Variants in LHFPL3 observed in about 807,000 individuals in gnomAD.
LHFPL3 encodes the protein LHFPL tetraspan subfamily member 3, also known as LHFPL tetraspan subfamily member 3 protein.
In LHFPL3, 5 loss-of-function variants were observed where a neutral mutation model predicts 19.3. The observed-to-expected ratio is 0.26, with a 90% CI of 0.14 to 0.54. The LOEUF (loss-of-function observed/expected upper bound fraction) is 0.54. Ranked by LOEUF, LHFPL3 falls within the 20% of genes least tolerant of loss-of-function variation. LHFPL3 has a pLI of 0.94. For synonymous variants in LHFPL3, 133 were observed against 126.2 expected (o/e 1.05, Z -0.36); for missense variants, 249 against 307.4 (o/e 0.81, Z 1.42).
chr7:104,780,389 C>T (rs1462480816), intron 2 of LHFPL3, among the ~76,000 whole-genome samples: 1 of 152,192 alleles, frequency 6.6e-6, no homozygotes, highest in Non-Finnish European at 1.5e-5. Flanking sequence ...TTTCCCTTAA[C>T]TAAAATCCAA....
chr7:104,476,159 C>G (rs530313111), intron 1 of LHFPL3, among the ~76,000 whole-genome samples: 2 of 152,288 alleles, frequency 1.3e-5, no homozygotes, highest in East Asian at 3.9e-4. Flanking sequence ...ACTCAAGCCT[C>G]TTTGTCAATG....
intron 1 of LHFPL3, among the ~76,000 whole-genome samples, chr7:104,654,932 A>G (rs1792096323): frequency 6.6e-6 from 1 of 152,154 alleles, no homozygotes. Context: ...ACTCCCTTAT[A>G]CCAAGTACAA....
Position 104,329,040 on chromosome 7 carries a change from G to A in LHFPL3, c.261G>A (p.Glu87=), listed in dbSNP as rs372340068. 6.2e-7 allele frequency: 1 copy of A among 1,613,936 alleles called. No individual in the cohort carries two copies. The highest frequency in any genetic ancestry group is 1.3e-5 in the African/African-American group (1 of 74,952). The part of the protein sequence containing the change: ...HYCIGNGFSR[E]LTCRGSFTDF... ...GCATCGGCAACGGCTTCTCCCGGGA[G>A]CTGACCTGCAGGGGCAGCTTCACGG... Residue 87 remains glutamate (E), a synonymous_variant, in exon 1 of 3, where the codon GAG becomes GAA. Coordinates refer to ENST00000424859, the MANE Select transcript of LHFPL3 (RefSeq NM_199000.3).
At chr7:104,465,787 G>A (rs891591569) in intron 1 of LHFPL3, among the ~76,000 whole-genome samples, 2 of 152,126 alleles carry the variant, frequency 1.3e-5, no homozygotes, top group Admixed American at 6.5e-5. Context: ...ATTTGGGTGG[G>A]GACACAGCCA....
At chr7:104,367,649 A>C (rs1790521670) in intron 1 of LHFPL3, among the ~76,000 whole-genome samples, 1 of 152,202 alleles carries the variant, frequency 6.6e-6, no homozygotes, top group African/African-American at 2.4e-5. Flanking sequence ...ATATTTTCCA[A>C]CTTGGAAATT....
chr7:104,400,611 C>T (rs1479586863), intron 1 of LHFPL3, among the ~76,000 whole-genome samples: 1 of 152,068 alleles, frequency 6.6e-6, no homozygotes, highest in African/African-American at 2.4e-5. Flanking sequence ...TATTATGCTG[C>T]ATAAGTGATA....
intron 1 of LHFPL3, among the ~76,000 whole-genome samples, chr7:104,539,798 A>C (rs1370215911): frequency 1.3e-5 from 2 of 152,218 alleles, no homozygotes; most frequent in African/African-American, 2.4e-5. Context: ...TTAGTATAAA[A>C]GTTACCTTTA....
At chr7:104,894,127 G>A (rs1792307291) in intron 2 of LHFPL3, among the ~76,000 whole-genome samples, 1 of 152,118 alleles carries the variant, frequency 6.6e-6, no homozygotes, top group Non-Finnish European at 1.5e-5. Context: ...AAACAGCAGA[G>A]CCGGACCTAA....
chr7:104,865,630 A>C (rs1289045192), intron 2 of LHFPL3, among the ~76,000 whole-genome samples: 1 of 152,202 alleles, frequency 6.6e-6, no homozygotes, highest in Non-Finnish European at 1.5e-5. Flanking sequence ...GGGAGAATGG[A>C]ACCAAGTTGG....
chr7:104,684,305 C>T (rs1300890003), intron 1 of LHFPL3, among the ~76,000 whole-genome samples: 1 of 152,198 alleles, frequency 6.6e-6, no homozygotes, highest in Non-Finnish European at 1.5e-5. Flanking sequence ...TCTGTTTTGT[C>T]ATCTGAGCCT....
At chr7:104,710,690 C>G (rs1349620733) in intron 1 of LHFPL3, among the ~76,000 whole-genome samples, 2 of 152,132 alleles carry the variant, frequency 1.3e-5, no homozygotes, top group Non-Finnish European at 2.9e-5. Context: ...TCTACTTCAT[C>G]AGGTTGTAAT....
chr7:104,391,273 G>C (rs1791062212), intron 1 of LHFPL3, among the ~76,000 whole-genome samples: 2 of 152,156 alleles, frequency 1.3e-5, no homozygotes, highest in South Asian at 4.2e-4. Context: ...CCTATGTCCT[G>C]AATGGTACTG....
intron 1 of LHFPL3, among the ~76,000 whole-genome samples, chr7:104,541,789 A>G (rs1405550177): frequency 6.6e-6 from 1 of 152,100 alleles, no homozygotes; most frequent in African/African-American, 2.4e-5. Flanking sequence ...AGAGTCATCT[A>G]AATAAAGTCC....
chr7:104,375,466 G>C (rs543069700), intron 1 of LHFPL3, among the ~76,000 whole-genome samples: 1 of 152,278 alleles, frequency 6.6e-6, no homozygotes, highest in African/African-American at 2.4e-5. Context: ...TGGCAAAATT[G>C]AAAGCTGTAA....
At chr7:104,518,830 G>A (rs191314715) in intron 1 of LHFPL3, among the ~76,000 whole-genome samples, 21 of 151,308 alleles carry the variant, frequency 1.4e-4, no homozygotes, top group African/African-American at 4.7e-4. Flanking sequence ...TAGATAGATA[G>A]ATAGATAGAT....
chr7:104,807,182 G>T (rs1213637671), intron 2 of LHFPL3, among the ~76,000 whole-genome samples: 1 of 152,104 alleles, frequency 6.6e-6, no homozygotes, highest in Non-Finnish European at 1.5e-5. Context: ...TGTCCTAACA[G>T]TCTAGGGGGA....
intron 1 of LHFPL3, among the ~76,000 whole-genome samples, chr7:104,643,192 G>C (rs1223502028): frequency 6.6e-6 from 1 of 152,000 alleles, no homozygotes; most frequent in African/African-American, 2.4e-5. Flanking sequence ...TCTATAGGAG[G>C]GCAGGCCTTC....
chr7:104,523,006 GTATATATGCACATATATACA>G (rs1794103989), intron 1 of LHFPL3, among the ~76,000 whole-genome samples: 1 of 148,324 alleles, frequency 6.7e-6, no homozygotes, highest in Admixed American at 6.8e-5. Context: ...ACACATATAT[GTATATATGCACATATATACA>G]TATACACACA....
chr7:104,357,692 G>A (rs566020793), intron 1 of LHFPL3, among the ~76,000 whole-genome samples: 35 of 152,114 alleles, frequency 2.3e-4, no homozygotes, highest in Non-Finnish European at 4.1e-4. Flanking sequence ...TAAGCTGTCA[G>A]GAAGGGCAGA....
Sources: allele counts gnomAD v4.1 joint callset (sites outside exome capture counted in the v4.1 genomes callset), GRCh38; gene constraint gnomAD v4.1.1; transcripts MANE v1.5; gene names NCBI Gene and HGNC (gene_info 2026-07-23, HGNC 2026-07-21).